Variants in DOCK1 observed in about 807,000 individuals in gnomAD.
DOCK1 encodes the protein dedicator of cytokinesis protein 1.
DOCK1 carries 138 observed loss-of-function variants against 262.7 expected under a neutral mutation model. The ratio of observed to expected loss-of-function variants is 0.53; its 90% CI spans 0.46 to 0.61. The LOEUF is 0.61. Among genes scored for constraint, DOCK1 ranks in the 20% least tolerant of loss-of-function variants. The pLI, the probability that DOCK1 is intolerant of heterozygous loss-of-function variation, is 0.00. For missense variants in DOCK1, 1,908 were observed against 2,370.7 expected (o/e 0.80, Z 4.05); for synonymous variants, 866 against 867.4 (o/e 1.00, Z 0.03).
chr10:126,969,382 C>A (rs1300385147), intron 1 of DOCK1, among the ~76,000 whole-genome samples: 1 of 152,210 alleles, frequency 6.6e-6, no homozygotes, highest in African/African-American at 2.4e-5. Context: ...TGAGGTGCAG[C>A]TCAGGCAGCT....
At chr10:127,324,169 A>T (rs2062658811) in intron 29 of DOCK1, among the ~76,000 whole-genome samples, 3 of 152,150 alleles carry the variant, frequency 2.0e-5, no homozygotes, top group African/African-American at 7.2e-5. Context: ...TCCGCTTCTG[A>T]TGTCTTCCAC....
intron 23 of DOCK1, among the ~76,000 whole-genome samples, chr10:127,064,906 T>C (rs1315378170): frequency 6.6e-6 from 1 of 152,234 alleles, no homozygotes; most frequent in African/African-American, 2.4e-5. Context: ...ACCAACTCCC[T>C]GCAGCCCCTG....
At position 127,372,623 on chromosome 10, in the gene DOCK1, C is replaced by T. The variant is rs143219198; in HGVS notation, c.3433-1158C>T. Among the ~76,000 whole-genome samples, 363 of 152,278 alleles carry T rather than the reference C, an allele frequency of 2.4e-3. 5 individuals carry two copies. The highest frequency in any genetic ancestry group is 0.021 in the Admixed American group (319 of 15,292). On this transcript the variant is annotated intron_variant, in intron 33 of 51. Coordinates refer to ENST00000623213, the MANE Select transcript of DOCK1 (RefSeq NM_001290223.2). ...GTTTTGGGGCTGGCTAGAGCAATGA[C>T]CAAAGAAAAATTCTTCCTCTCACTC...
chr10:127,005,170 C>T (rs1361454708), intron 10 of DOCK1, among the ~76,000 whole-genome samples: 1 of 151,952 alleles, frequency 6.6e-6, no homozygotes. Context: ...AACCCCATCC[C>T]TACCCAAAAA....
chr10:127,363,596 TCATC>T (rs1177746935), intron 33 of DOCK1, among the ~76,000 whole-genome samples: 1 of 152,178 alleles, frequency 6.6e-6, no homozygotes, highest in African/African-American at 2.4e-5. Flanking sequence ...AATCAAAACT[TCATC>T]AATCAAGATA....
At chr10:127,197,071 G>C (rs1312721662) in intron 27 of DOCK1, among the ~76,000 whole-genome samples, 1 of 152,160 alleles carries the variant, frequency 6.6e-6, no homozygotes, top group Non-Finnish European at 1.5e-5. Context: ...GCAGGAGTTC[G>C]GGGATCCTTT....
chr10:127,081,199 T>A (rs2046879603), intron 23 of DOCK1, among the ~76,000 whole-genome samples: 1 of 152,158 alleles, frequency 6.6e-6, no homozygotes, highest in South Asian at 2.1e-4. Context: ...TTACTTCAAA[T>A]GCAGCCATTT....
rs577291902 is a variant in DOCK1 at position 127,076,854 on chromosome 10, C to T, written c.2445+15078C>T. Reference sequence around the variant, plus strand: ...TGGTGGCATTTCCATGTTGGGGGCCCCTGCTTGTCCCTGGGGTGCAGGAAT... The same window carrying T: ...TGGTGGCATTTCCATGTTGGGGGCCTCTGCTTGTCCCTGGGGTGCAGGAAT... On this transcript the variant is annotated intron_variant, in intron 23 of 51. Transcript: ENST00000623213. Among the ~76,000 whole-genome samples the T allele has an allele frequency of 5.7e-4, 87 of 152,276 alleles. 2 individuals carry two copies. The South Asian group carries it at 0.017, about 30-fold the overall frequency.
At chr10:127,077,290 G>T (rs1405627284) in intron 23 of DOCK1, among the ~76,000 whole-genome samples, 1 of 152,094 alleles carries the variant, frequency 6.6e-6, no homozygotes, top group African/African-American at 2.4e-5. Context: ...GGCTACTCAG[G>T]AGACCGAGGT....
At chr10:127,383,429 C>T (rs1465796718) in intron 37 of DOCK1, among the ~76,000 whole-genome samples, 1 of 152,200 alleles carries the variant, frequency 6.6e-6, no homozygotes, top group African/African-American at 2.4e-5. Flanking sequence ...TAAAAGTAGA[C>T]CAATTATGTT....
chr10:127,171,731 T>C (rs1171226626), intron 27 of DOCK1, among the ~76,000 whole-genome samples: 2 of 152,084 alleles, frequency 1.3e-5, no homozygotes, highest in Non-Finnish European at 2.9e-5. Flanking sequence ...TGAGATGGAG[T>C]CTCGCTCTGT....
chr10:127,035,691 C>T (rs1228268765), intron 18 of DOCK1, among the ~76,000 whole-genome samples: 1 of 152,082 alleles, frequency 6.6e-6, no homozygotes, highest in African/African-American at 2.4e-5. Context: ...GGAGCCTTTT[C>T]CATTACTTCA....
chr10:127,032,269 G>A lies in DOCK1; in HGVS notation c.1861G>A (p.Asp621Asn). The change falls in exon 18 of 52, where the codon GAC (aspartate) becomes AAC (asparagine). Residue 621 changes from aspartate to asparagine, a missense_variant. Around this residue, in one of 9 missense-constraint regions of DOCK1, gnomAD observed 294 missense variants for 439.9 expected, o/e 0.67. Transcript: ENST00000623213. ...QSLGSCTISK[D>N]SFQISTLVCS... ...CCTTGGGAGCTGCACCATTAGCAAGGACTCCTTCCAGATCTCCACGCTCGT... is the reference window on the plus strand; with the variant it reads ...CCTTGGGAGCTGCACCATTAGCAAGAACTCCTTCCAGATCTCCACGCTCGT... 1 of 1,595,172 alleles carries A rather than the reference G, an allele frequency of 6.3e-7. No homozygotes were observed. Among genetic ancestry groups the A allele is most frequent in the South Asian group, 1.1e-5 (1 of 87,206 alleles).
chr10:127,008,662 CTTTG>C (rs1032898898), intron 10 of DOCK1, 66 bp from the exon 11 acceptor site: 49 of 1,303,080 alleles, frequency 3.8e-5, no homozygotes, highest in African/African-American at 1.3e-4. Context: ...TCTGATGTTC[CTTTG>C]TTTGTTTGTG....
At chr10:127,436,086 A>G (rs1463150119) in intron 48 of DOCK1, among the ~76,000 whole-genome samples, 1 of 152,232 alleles carries the variant, frequency 6.6e-6, no homozygotes, top group Non-Finnish European at 1.5e-5. Flanking sequence ...AATAGATAAA[A>G]TATTTCTCAC....
At chr10:126,928,327 C>T (rs980611685) in intron 1 of DOCK1, among the ~76,000 whole-genome samples, 2 of 152,092 alleles carry the variant, frequency 1.3e-5, no homozygotes, top group African/African-American at 2.4e-5. Flanking sequence ...GGTGTCCATG[C>T]GTCCCAGGCC....
At chr10:127,297,309 A>T (rs555032207) in intron 29 of DOCK1, among the ~76,000 whole-genome samples, 1 of 152,314 alleles carries the variant, frequency 6.6e-6, no homozygotes, top group Admixed American at 6.5e-5. Flanking sequence ...ACGAATCCAT[A>T]GCTCAGAAGC....
At chr10:127,095,429 G>A (rs540827274) in intron 23 of DOCK1, among the ~76,000 whole-genome samples, 5 of 152,286 alleles carry the variant, frequency 3.3e-5, no homozygotes, top group South Asian at 4.1e-4. Context: ...TGCAGGCTTC[G>A]GTTGCTCATT....
At chr10:127,032,709 A>G (rs2043323990) in intron 18 of DOCK1, among the ~76,000 whole-genome samples, 1 of 152,046 alleles carries the variant, frequency 6.6e-6, no homozygotes, top group Non-Finnish European at 1.5e-5. Flanking sequence ...GTGCAGCATC[A>G]CGCTTGGCTA....
Sources: allele counts gnomAD v4.1 joint callset (sites outside exome capture counted in the v4.1 genomes callset), GRCh38; gene constraint gnomAD v4.1.1; regional missense constraint gnomAD v4.1.1; transcripts MANE v1.5; gene names NCBI Gene and HGNC (gene_info 2026-07-23, HGNC 2026-07-21).